The following TRMT9B variants were observed in gnomAD, a reference collection of about 807,000 sequenced individuals.
The protein encoded by TRMT9B is tRNA methyltransferase 9B (putative), also known as probable tRNA methyltransferase 9B.
TRMT9B carries 16 observed loss-of-function variants against 11.5 expected under a neutral mutation model. The ratio of observed to expected loss-of-function variants is 1.39; its 90% CI spans 0.94 to 2.11. TRMT9B has a LOEUF of 2.11. Ranked by LOEUF, TRMT9B falls within the 30% of genes most tolerant of loss-of-function variation. The probability of loss-of-function intolerance (pLI) is 0.00; values close to 1 mark genes in which losing one functional copy is unlikely to be tolerated. For missense variants in TRMT9B, 941 were observed against 553.8 expected (o/e 1.70, Z -7.02); for synonymous variants, 274 against 192.4 (o/e 1.42, Z -3.51).
chr8:12,965,082 C>T (rs1178940370), intron 1 of TRMT9B, among the ~76,000 whole-genome samples: 5 of 152,230 alleles, frequency 3.3e-5, no homozygotes, highest in African/African-American at 1.2e-4. Flanking sequence ...ATGTCAAACA[C>T]ATTCTTATAG....
Position 13,022,984 on chromosome 8 carries a change from A to AAAT in TRMT9B, c.*961_*963dup, listed in dbSNP as rs371817544. On this transcript the variant is annotated 3_prime_UTR_variant, in exon 5 of 5. Coordinates refer to ENST00000524591, the MANE Select transcript of TRMT9B (RefSeq NM_020844.3). ...GGCAACATAGCAAGACTCTGTCTCA[A>AAAT]AATAATAATAATAATAATAATAAAG... The AAAT allele has an allele frequency of 0.012, 1,981 of 165,142 alleles. 16 individuals are homozygous for AAAT. The highest frequency in any genetic ancestry group is 0.041 in the Middle Eastern group (12 of 290). The allele number at this position is 165,142 out of a possible 1,614,324, so 10.2% of individuals were successfully genotyped here.
chr8:13,018,857 T>A (rs200224349), intron 4 of TRMT9B, among the ~76,000 whole-genome samples: 1 of 152,196 alleles, frequency 6.6e-6, no homozygotes, highest in Non-Finnish European at 1.5e-5. Context: ...AAATAATACC[T>A]CAACACTATG....
In TRMT9B at chr8:13,007,918, G is replaced by A. The variant is rs559863231; in HGVS notation, c.154+1562G>A. Among the ~76,000 whole-genome samples the A allele has an allele frequency of 1.5e-4, 23 of 152,238 alleles. No homozygotes were observed. In the South Asian group the frequency reaches 3.7e-3, roughly 25 times the overall value. On this transcript the variant is annotated intron_variant, in intron 3 of 4. Coordinates refer to ENST00000524591, the MANE Select transcript of TRMT9B (RefSeq NM_020844.3). ...TTTAAAATATTCTCAGAGGCAAAAT[G>A]CCTATATATGATACACATACAAAAA...
intron 3 of TRMT9B, among the ~76,000 whole-genome samples, chr8:13,008,719 A>G (rs183203682): frequency 6.6e-6 from 1 of 152,252 alleles, no homozygotes; most frequent in Non-Finnish European, 1.5e-5. Context: ...CATGTCATAG[A>G]AATCTAGATA....
At chr8:12,981,883 C>G (rs925251186) in intron 1 of TRMT9B, among the ~76,000 whole-genome samples, 2 of 152,054 alleles carry the variant, frequency 1.3e-5, no homozygotes, top group Non-Finnish European at 2.9e-5. Context: ...GAGGTGACAA[C>G]GTTTTCATCA....
At chr8:12,981,924 A>T (rs1322716482) in intron 1 of TRMT9B, among the ~76,000 whole-genome samples, 2 of 152,118 alleles carry the variant, frequency 1.3e-5, no homozygotes, top group Non-Finnish European at 2.9e-5. Flanking sequence ...ATTAAACATG[A>T]TATAGTCAGT....
chr8:12,961,898 G>C (rs998247994), intron 1 of TRMT9B: 1 of 152,176 alleles, frequency 6.6e-6, no homozygotes, highest in Non-Finnish European at 1.5e-5. Flanking sequence ...CTTTTAGCAG[G>C]CGAGGAGAAT....
intron 2 of TRMT9B, among the ~76,000 whole-genome samples, chr8:12,992,544 G>C (rs937834185): frequency 6.6e-6 from 1 of 151,846 alleles, no homozygotes; most frequent in Admixed American, 6.6e-5. Flanking sequence ...TGAAGCTCAG[G>C]AGAACTTCAT....
At chr8:13,011,526 A>C in intron 3 of TRMT9B, 1 of 960,362 alleles carries the variant, frequency 1.0e-6, no homozygotes. Context: ...GATTTCTTTT[A>C]ATATTTCTGG....
chr8:12,960,720 A>G (rs1398513126), intron 1 of TRMT9B, among the ~76,000 whole-genome samples: 1 of 152,232 alleles, frequency 6.6e-6, no homozygotes, highest in Non-Finnish European at 1.5e-5. Context: ...AAAAGCCTAA[A>G]TGCTGTGTGA....
At position 13,028,120 on chromosome 8, in the gene TRMT9B, T is replaced by C. The variant is rs570100311; in HGVS notation, c.*6076T>C. On this transcript the variant is annotated 3_prime_UTR_variant, in exon 5 of 5. Coordinates refer to ENST00000524591, the MANE Select transcript of TRMT9B (RefSeq NM_020844.3). The stretch of plus-strand genomic sequence containing the variant: ...AATTCCCCAGGGATCCTACGGTCTA[T>C]GACACATTAACAGGGGTGTGAATCA... 1 of 167,248 alleles carries C rather than the reference T, an allele frequency of 6.0e-6. No individual in the cohort carries two copies. The highest frequency in any genetic ancestry group is 2.1e-4 in the South Asian group (1 of 4,832). The allele number at this position is 167,248 out of a possible 1,614,324, so 10.4% of individuals were successfully genotyped here.
At chr8:13,007,394 C>G (rs1324819595) in intron 3 of TRMT9B, 1 of 152,230 alleles carries the variant, frequency 6.6e-6, no homozygotes, top group Non-Finnish European at 1.5e-5. Flanking sequence ...TGGTTGGAAT[C>G]TCACTCAAGG....
At chr8:12,993,646 A>G (rs1439429123) in intron 2 of TRMT9B, among the ~76,000 whole-genome samples, 1 of 152,244 alleles carries the variant, frequency 6.6e-6, no homozygotes. Flanking sequence ...TTGATCTTCT[A>G]GGCTGGCATT....
At chr8:13,013,228 T>G (rs1225607654) in intron 4 of TRMT9B, among the ~76,000 whole-genome samples, 2 of 152,352 alleles carry the variant, frequency 1.3e-5, no homozygotes, top group East Asian at 3.9e-4. Flanking sequence ...TTACCATTTT[T>G]TAGGCCAAAA....
chr8:12,976,585 C>CA (rs1242492468), intron 1 of TRMT9B, among the ~76,000 whole-genome samples: 3 of 150,974 alleles, frequency 2.0e-5, no homozygotes, highest in Non-Finnish European at 4.4e-5. Context: ...ACTAAAAATA[C>CA]AAAAAATAAA....
intron 1 of TRMT9B, among the ~76,000 whole-genome samples, chr8:12,976,274 C>G (rs1044079762): frequency 6.6e-6 from 1 of 152,090 alleles, no homozygotes; most frequent in Non-Finnish European, 1.5e-5. Context: ...CTTAACTGAG[C>G]CTTTTAGAGA....
intron 4 of TRMT9B, among the ~76,000 whole-genome samples, 199 bp downstream of exon 4, chr8:13,013,056 C>G (rs1811951728): frequency 6.6e-6 from 1 of 152,198 alleles, no homozygotes; most frequent in South Asian, 2.1e-4. Context: ...ATTGTTTTAA[C>G]TATTTAAACC....
chr8:12,989,924 T>C (rs773967244), intron 1 of TRMT9B, among the ~76,000 whole-genome samples: 1 of 152,184 alleles, frequency 6.6e-6, no homozygotes, highest in Admixed American at 6.5e-5. Flanking sequence ...TTAAAATCTA[T>C]AGGCAAGTTC....
At chr8:13,018,453 T>C (rs964871861) in intron 4 of TRMT9B, among the ~76,000 whole-genome samples, 1 of 151,878 alleles carries the variant, frequency 6.6e-6, no homozygotes, top group African/African-American at 2.4e-5. Context: ...AATCAAATTC[T>C]GAATGTTGAT....
Sources: allele counts gnomAD v4.1 joint callset (sites outside exome capture counted in the v4.1 genomes callset), GRCh38; gene constraint gnomAD v4.1.1; transcripts MANE v1.5; gene names NCBI Gene and HGNC (gene_info 2026-07-23, HGNC 2026-07-21).